The following MAPK8IP3 variants were observed in gnomAD, a reference collection of about 807,000 sequenced individuals.
The protein encoded by MAPK8IP3 is C-Jun-amino-terminal kinase-interacting protein 3.
Under a neutral mutation model 157.8 loss-of-function variants are expected in MAPK8IP3, and 49 were observed. That is an observed-to-expected ratio of 0.31 (90% CI 0.25 to 0.39). The LOEUF (loss-of-function observed/expected upper bound fraction) is 0.39, where lower values mean the gene tolerates loss of function less well. MAPK8IP3 is among the 10% of genes least tolerant of loss of function. The pLI, the probability that MAPK8IP3 is intolerant of heterozygous loss-of-function variation, is 1.00. For missense variants in MAPK8IP3, 1,478 were observed against 1,889.4 expected (o/e 0.78, Z 4.04); for synonymous variants, 897 against 777.7 (o/e 1.15, Z -2.55).
In MAPK8IP3 at chr16:1,729,484, C is replaced by T. The variant is rs2039141215; in HGVS notation, c.511-3C>T. The T allele has an allele frequency of 6.2e-7, 1 of 1,612,108 alleles. No individual in the cohort carries two copies. Among genetic ancestry groups the T allele is most frequent in the African/African-American group, 1.3e-5 (1 of 74,902 alleles). On this transcript the variant is annotated splice_polypyrimidine_tract_variant and splice_region_variant and intron_variant, in intron 3 of 31. Coordinates refer to ENST00000610761, the MANE Select transcript of MAPK8IP3 (RefSeq NM_001318852.2). Reference sequence around the variant, plus strand: ...GCTAATGCAGGCGTTTCCCTCCTCGCAGATGATACAGACCTACGTGGAGCA... The same window carrying T: ...GCTAATGCAGGCGTTTCCCTCCTCGTAGATGATACAGACCTACGTGGAGCA...
rs552323119 is a variant in MAPK8IP3, at chr16:1,743,245, C to T, written c.603-87C>T. The stretch of plus-strand genomic sequence containing the variant: ...GCTGGCATGGAGCGGCCCCATCACT[C>T]GAGGTCTGCTTGCCCTGGGAGGGCT... On this transcript the variant is annotated intron_variant, in intron 4 of 31. Transcript: ENST00000610761. The surrounding 1 kb of genome is among the most constrained non-coding windows in gnomAD (Gnocchi z 5.6). 9.7e-6 allele frequency: 14 copies of T among 1,450,732 alleles called. No homozygotes were observed. The highest frequency in any genetic ancestry group is 1.2e-5 in the Non-Finnish European group (13 of 1,109,286). The allele number at this position is 1,450,732 out of a possible 1,614,324, so 89.9% of individuals were successfully genotyped here.
At chr16:1,716,936 G>A (rs939577808) in intron 1 of MAPK8IP3, among the ~76,000 whole-genome samples, 1 of 151,872 alleles carries the variant, frequency 6.6e-6, no homozygotes, top group African/African-American at 2.4e-5. Flanking sequence ...GTGGGCGCCT[G>A]TGATCCCATC....
chr16:1,745,120 G>A, intron 5 of MAPK8IP3: 1 of 985,464 alleles, frequency 1.0e-6, no homozygotes, highest in Non-Finnish European at 1.2e-6. Context: ...TGTGGCCAGG[G>A]GGAGTGTCCC....
intron 4 of MAPK8IP3, among the ~76,000 whole-genome samples, chr16:1,739,922 GCTTC>G (rs1200628424): frequency 2.1e-4 from 25 of 117,436 alleles, no homozygotes; most frequent in East Asian, 5.4e-4. Flanking sequence ...GTCCGTGTGA[GCTTC>G]CGTGTGACTG....
chr16:1,763,146 TCTCCCTGCACACTGCCTGCCC>T, intron 16 of MAPK8IP3, 140 bp downstream of exon 16: 1 of 1,111,506 alleles, frequency 9.0e-7, no homozygotes, highest in Non-Finnish European at 1.3e-6. Flanking sequence ...GGCCGTGACC[TCTCCCTGCACACTGCCTGCCC>T]CTCCCTGCAG....
chr16:1,761,339 G>A (rs746642146), intron 13 of MAPK8IP3, 34 bp downstream of exon 13: 83 of 1,586,190 alleles, frequency 5.2e-5, no homozygotes, highest in Admixed American at 2.8e-4. Flanking sequence ...CATGCGGGGC[G>A]TCCACCATTC....
At chr16:1,718,709 C>A (rs1020662007) in intron 1 of MAPK8IP3, among the ~76,000 whole-genome samples, 1 of 151,458 alleles carries the variant, frequency 6.6e-6, no homozygotes, top group Non-Finnish European at 1.5e-5. Context: ...AGGAGAATCG[C>A]TTGAACCTGG....
At chr16:1,755,046 A>G (rs1271008319) in intron 8 of MAPK8IP3, among the ~76,000 whole-genome samples, 1 of 152,218 alleles carries the variant, frequency 6.6e-6, no homozygotes, top group Non-Finnish European at 1.5e-5. Context: ...AGTAGAGGAA[A>G]CATGTGAGAA....
chr16:1,725,149 TTTATTATTA>T (rs71145429), intron 2 of MAPK8IP3, among the ~76,000 whole-genome samples: 133 of 144,472 alleles, frequency 9.2e-4, no homozygotes, highest in South Asian at 5.6e-3. Context: ...GCAGAAAGGG[TTTATTATTA>T]TTATTATTAT....
intron 8 of MAPK8IP3, among the ~76,000 whole-genome samples, chr16:1,752,920 C>A (rs1380897132): frequency 6.6e-6 from 1 of 152,194 alleles, no homozygotes; most frequent in Non-Finnish European, 1.5e-5. Flanking sequence ...CTGCCCTAAT[C>A]AACTCGCCCC....
At chr16:1,736,911 TGA>T (rs10666440) in intron 4 of MAPK8IP3, among the ~76,000 whole-genome samples, 3 of 35,082 alleles carry the variant, frequency 8.6e-5, no homozygotes, top group African/African-American at 4.1e-4. Context: ...ACCGTCTGTG[TGA>T]GTGACCATCC....
chr16:1,734,536 G>T (rs1303389225), intron 4 of MAPK8IP3, among the ~76,000 whole-genome samples: 2 of 152,252 alleles, frequency 1.3e-5, no homozygotes, highest in Non-Finnish European at 2.9e-5. Context: ...GCCTCTGAAG[G>T]CATGAGCCAG....
Position 1,767,558 on chromosome 16 carries a change from C to T in MAPK8IP3, c.3238-6C>T. 6.2e-7 allele frequency: 1 copy of T among 1,610,868 alleles called. No individual in the cohort carries two copies. ...GCCCTGTTGATGGGCAGCCATGACT[C>T]CACAGAAGTCATTTGACGCCCACCC... On this transcript the variant is annotated splice_polypyrimidine_tract_variant and splice_region_variant and intron_variant, in intron 26 of 31. Coordinates refer to ENST00000610761, the MANE Select transcript of MAPK8IP3 (RefSeq NM_001318852.2).
chr16:1,768,304 A>ACTG lies in MAPK8IP3; in HGVS notation c.3671_3673dup (p.Cys1224dup). On this transcript the variant is annotated inframe_insertion, in exon 30 of 32. Coordinates refer to ENST00000610761, the MANE Select transcript of MAPK8IP3 (RefSeq NM_001318852.2). Reference sequence around the variant, plus strand: ...AGGGCGGCCAGCAGCTTCATCCCCTACTGCTCCATGGCCCAGGCCCAGCTA... The same window carrying ACTG: ...AGGGCGGCCAGCAGCTTCATCCCCTACTGCTGCTCCATGGCCCAGGCCCAGCTA... The ACTG allele has an allele frequency of 1.2e-6, 2 of 1,609,902 alleles. No individual in the cohort carries two copies. Among genetic ancestry groups the ACTG allele is most frequent in the Non-Finnish European group, 1.7e-6 (2 of 1,179,958 alleles).
At chr16:1,739,256 G>A (rs1366726912) in intron 4 of MAPK8IP3, among the ~76,000 whole-genome samples, 2 of 128,782 alleles carry the variant, frequency 1.6e-5, no homozygotes, top group Non-Finnish European at 3.2e-5. Context: ...ATCCATGTGA[G>A]CATCTGTGTG....
At position 1,768,911 on chromosome 16, in the gene MAPK8IP3, C is replaced by T. The variant is rs752879314; in HGVS notation, c.*87C>T. ...GCCCGCGGGGTAGCCAGCCAGGCGC[C>T]GCCGCCCCTCTTCTAACCTCTCAAC... On this transcript the variant is annotated 3_prime_UTR_variant, in exon 32 of 32. Transcript: ENST00000610761. 73 of 1,487,140 alleles carry T rather than the reference C, an allele frequency of 4.9e-5. No individual in the cohort carries two copies. Among genetic ancestry groups the T allele is most frequent in the Admixed American group, 5.4e-5 (3 of 55,608 alleles). 92.1% of individuals were successfully genotyped at this position (1,487,140 alleles called of 1,614,324 possible).
At chr16:1,756,903 G>C (rs2041632932) in intron 8 of MAPK8IP3, among the ~76,000 whole-genome samples, 1 of 152,156 alleles carries the variant, frequency 6.6e-6, no homozygotes, top group Non-Finnish European at 1.5e-5. Context: ...AAGCCTCCCA[G>C]AGAGATGGAT....
In MAPK8IP3 at chr16:1,770,188, CA is replaced by C. The variant is rs2042531679; in HGVS notation, c.*1365del. On this transcript the variant is annotated 3_prime_UTR_variant, in exon 32 of 32. Transcript: ENST00000610761. Reference sequence around the variant, plus strand: ...ATGTCCGCTCCCTCGTCTGTTCCCCCAGGATCTCGAAGTGACTCCGGGCTGA... The same window carrying C: ...ATGTCCGCTCCCTCGTCTGTTCCCCCGGATCTCGAAGTGACTCCGGGCTGA... 1 of 155,664 alleles carries C rather than the reference CA, an allele frequency of 6.4e-6. No individual in the cohort carries two copies. Among genetic ancestry groups the C allele is most frequent in the Non-Finnish European group, 1.4e-5 (1 of 70,344 alleles). The allele number at this position is 155,664 out of a possible 1,614,324, so 9.6% of individuals were successfully genotyped here. A position where few individuals can be genotyped will look rare whatever the true frequency, so the allele number is the denominator to read the frequency against.
At chr16:1,715,822 G>C (rs1020981821) in intron 1 of MAPK8IP3, among the ~76,000 whole-genome samples, 1 of 151,540 alleles carries the variant, frequency 6.6e-6, no homozygotes, top group African/African-American at 2.4e-5. Flanking sequence ...TCTGCCTCCC[G>C]GGTTCAAGCG....
Sources: gnomAD v4.1 joint callset for allele counts (sites outside exome capture counted in the v4.1 genomes callset) on GRCh38, gnomAD v4.1.1 for gene constraint, Gnocchi (gnomAD v3.1) non-coding constraint, MANE v1.5 for transcripts, NCBI Gene and HGNC (gene_info 2026-07-23, HGNC 2026-07-21) for gene names.